The following DMD variants were observed in gnomAD, a reference collection of about 807,000 sequenced individuals.
DMD encodes mutant dystrophin.
In DMD, 63 loss-of-function variants were observed where a neutral mutation model predicts 330.1. That is an observed-to-expected ratio of 0.19 (90% confidence interval 0.16 to 0.24). The LOEUF is 0.24. DMD is among the 10% of genes least tolerant of loss of function. The pLI is 1.00. For synonymous variants in DMD, 1,223 were observed against 959.8 expected (o/e 1.27, Z -5.07); for missense variants, 3,344 against 2,684.1 (o/e 1.25, Z -5.43).
chrX:32,434,597 C>G (rs1333969966), intron 29 of DMD, among the ~76,000 whole-genome samples: 4 of 111,655 alleles, frequency 3.6e-5, no homozygotes, highest in Non-Finnish European at 7.5e-5. Context: ...TTTGTTTCTT[C>G]AGCCTCTCAG....
rs145441495 is a variant in DMD at position 32,623,961 on chromosome X, G to T, written c.1332-9508C>A. On this transcript the variant is annotated intron_variant, in intron 11 of 78. Coordinates refer to ENST00000357033, the MANE Select transcript of DMD (RefSeq NM_004006.3). Reference sequence around the variant, plus strand: ...TTATTTTTTTCATGGGCAAAATATTGTATTAGATCATATGAAATTTCTGAT... The same window carrying T: ...TTATTTTTTTCATGGGCAAAATATTTTATTAGATCATATGAAATTTCTGAT... Among the ~76,000 whole-genome samples, 402 of 111,805 alleles carry T rather than the reference G, an allele frequency of 3.6e-3. 8 individuals carry two copies. Among genetic ancestry groups the T allele is most frequent in the Admixed American group, 0.026 (271 of 10,503 alleles).
chrX:32,591,885 G>A (rs920717656), intron 13 of DMD, among the ~76,000 whole-genome samples: 7 of 112,876 alleles, frequency 6.2e-5, no homozygotes, highest in Non-Finnish European at 1.1e-4. Flanking sequence ...CTCGCTCCCC[G>A]CACTGGCTCC....
chrX:33,260,032 C>T (rs962512622), intron 1 of DMD, among the ~76,000 whole-genome samples: 5 of 110,864 alleles, frequency 4.5e-5, no homozygotes, highest in Non-Finnish European at 9.5e-5. Context: ...AATATTTGCA[C>T]TCAGGTTTTT....
At chrX:31,695,431 T>C (rs1279838249) in intron 52 of DMD, among the ~76,000 whole-genome samples, 1 of 110,946 alleles carries the variant, frequency 9.0e-6, no homozygotes, top group Admixed American at 9.6e-5. Flanking sequence ...TACAATTACA[T>C]TGTTTGTAGC....
At chrX:32,433,027 A>G (rs2098244685) in intron 29 of DMD, among the ~76,000 whole-genome samples, 1 of 112,430 alleles carries the variant, frequency 8.9e-6, no homozygotes, top group South Asian at 3.7e-4. Flanking sequence ...GGGCATTAAT[A>G]AGCCACGAAA....
chrX:32,154,800 C>T (rs939817486), intron 44 of DMD, among the ~76,000 whole-genome samples: 1 of 110,496 alleles, frequency 9.1e-6, no homozygotes, highest in Non-Finnish European at 1.9e-5. Context: ...CCAAGATTCC[C>T]CTAGCAGGAG....
intron 42 of DMD, among the ~76,000 whole-genome samples, chrX:32,288,225 T>G (rs2097451065): frequency 9.0e-6 from 1 of 111,649 alleles, no homozygotes; most frequent in African/African-American, 3.3e-5. Flanking sequence ...CAAACAAAAT[T>G]CTGAACTGCA....
chrX:32,848,247 T>C (rs773884632), intron 3 of DMD, among the ~76,000 whole-genome samples: 1 of 111,975 alleles, frequency 8.9e-6, no homozygotes, highest in African/African-American at 3.2e-5. Flanking sequence ...CTGGGACTTC[T>C]GTATTCGGTA....
intron 20 of DMD, among the ~76,000 whole-genome samples, chrX:32,485,643 G>A (rs764360449): frequency 9.8e-6 from 1 of 102,337 alleles, no homozygotes; most frequent in Admixed American, 1.1e-4. Context: ...TTATACATAT[G>A]TATGTACACA....
chrX:31,501,842 T>C (rs898231862), intron 56 of DMD, among the ~76,000 whole-genome samples: 1 of 111,127 alleles, frequency 9.0e-6, no homozygotes, highest in Non-Finnish European at 1.9e-5. Flanking sequence ...CCTCATGTAA[T>C]AAAATAGCAC....
intron 1 of DMD, among the ~76,000 whole-genome samples, chrX:33,244,118 A>G (rs2052630724): frequency 9.0e-6 from 1 of 111,603 alleles, no homozygotes; most frequent in South Asian, 3.7e-4. Flanking sequence ...TTCTTGCCTA[A>G]TTACTTCCAG....
intron 43 of DMD, among the ~76,000 whole-genome samples, chrX:32,229,223 G>A (rs73219271): frequency 0.054 from 6,001 of 110,354 alleles, 134 homozygotes; most frequent in Middle Eastern, 0.093. Context: ...TTACACTCAC[G>A]TGTTTCTGAT....
At chrX:32,629,822 T>C (rs2058616802) in intron 11 of DMD, among the ~76,000 whole-genome samples, 1 of 110,444 alleles carries the variant, frequency 9.1e-6, no homozygotes, top group Non-Finnish European at 1.9e-5. Context: ...AATGCTACAC[T>C]TTAACTTCAT....
intron 2 of DMD, among the ~76,000 whole-genome samples, chrX:32,949,362 A>G (rs866610852): frequency 7.6e-5 from 7 of 92,309 alleles, no homozygotes; most frequent in South Asian, 4.9e-4. Flanking sequence ...AGATAGATAG[A>G]TAGATAGATA....
At chrX:32,508,437 T>C in intron 18 of DMD, among the ~76,000 whole-genome samples, 1 of 111,498 alleles carries the variant, frequency 9.0e-6, no homozygotes. Flanking sequence ...AAATTTAGTA[T>C]AACAAAGAGA....
intron 63 of DMD, among the ~76,000 whole-genome samples, chrX:31,232,344 G>A (rs901008856): frequency 1.8e-5 from 2 of 111,134 alleles, no homozygotes; most frequent in African/African-American, 6.6e-5. Context: ...ACTCTACCAG[G>A]TTGATAGAAG....
chrX:31,341,882 T>TGCGTGC (rs1556527109), intron 61 of DMD, among the ~76,000 whole-genome samples: 1 of 82,708 alleles, frequency 1.2e-5, no homozygotes, highest in East Asian at 3.4e-4. Flanking sequence ...CGCGCGTGCG[T>TGCGTGC]GCGCGCGCGC....
chrX:32,457,597 A>T (rs2098365740), intron 25 of DMD, among the ~76,000 whole-genome samples: 1 of 110,672 alleles, frequency 9.0e-6, no homozygotes, highest in African/African-American at 3.3e-5. Flanking sequence ...CAGAAAGTTC[A>T]TCTATGTAAA....
At chrX:31,909,292 G>C (rs1345632548) in intron 47 of DMD, among the ~76,000 whole-genome samples, 1 of 111,242 alleles carries the variant, frequency 9.0e-6, no homozygotes, top group Non-Finnish European at 1.9e-5. Context: ...TAGAAGTGAG[G>C]TGTGATTTAG....
Sources: gnomAD v4.1 joint callset for allele counts (sites outside exome capture counted in the v4.1 genomes callset) on GRCh38, gnomAD v4.1.1 for gene constraint, MANE v1.5 for transcripts, NCBI Gene and HGNC (gene_info 2026-07-23, HGNC 2026-07-21) for gene names.